BPTF: variants seen among roughly 807,000 people sequenced by gnomAD.
The protein encoded by BPTF is nucleosome-remodeling factor subunit BPTF.
Under a neutral mutation model 292.5 loss-of-function variants are expected in BPTF, and 18 were observed. The observed-to-expected ratio is 0.06, with a 90% CI of 0.04 to 0.09. BPTF has a LOEUF of 0.09. BPTF is among the 10% of genes least tolerant of loss of function. BPTF has a pLI of 1.00. For synonymous variants in BPTF, 1,225 were observed against 1,251.9 expected, an observed-to-expected ratio of 0.98 and a Z score of 0.45; for missense variants, 2,726 against 3,498.7, an observed-to-expected ratio of 0.78 and a Z score of 5.57.
chr17:67,969,452 CAAAAAAAAAAAAA>C (rs11360473), intron 26 of BPTF, among the ~76,000 whole-genome samples: 1 of 47,984 alleles, frequency 2.1e-5, no homozygotes, highest in South Asian at 8.0e-4. Context: ...ACTCTGTCTC[CAAAAAAAAAAAAA>C]AAAAAAAAAA....
At chr17:67,910,780 A>G in intron 10 of BPTF, 97 bp from the exon 11 acceptor site, 6 of 906,358 alleles carry the variant, frequency 6.6e-6, no homozygotes, top group Non-Finnish European at 8.7e-6. Flanking sequence ...AGCCTGGGCA[A>G]CAGAGTGAGA....
rs564287865 is a variant in BPTF at position 67,880,959 on chromosome 17, A to G, written c.1864+5939A>G. Among the ~76,000 whole-genome samples the G allele has an allele frequency of 9.7e-3, 315 of 32,560 alleles. 3 individuals carry two copies. Among genetic ancestry groups the G allele is most frequent in the Middle Eastern group, 0.023 (1 of 44 alleles). 21.4% of individuals were successfully genotyped at this position (32,560 alleles called of 152,430 possible). Reference sequence around the variant, plus strand: ...GGGTGTATGTATATTATATATATATACACACACACACACACACACACGTAT... The same window carrying G: ...GGGTGTATGTATATTATATATATATGCACACACACACACACACACACGTAT... On this transcript the variant is annotated intron_variant, in intron 4 of 27. Coordinates refer to ENST00000306378, the MANE Select transcript of BPTF (RefSeq NM_182641.4).
In BPTF at chr17:67,886,469, C is replaced by T. The variant is rs1023402699; in HGVS notation, c.1865-5375C>T. Among the ~76,000 whole-genome samples the T allele has an allele frequency of 4.7e-5, 7 of 148,396 alleles. No homozygotes were observed. The South Asian group carries it at 1.5e-3, about 32-fold the overall frequency. On this transcript the variant is annotated intron_variant, in intron 4 of 27. Coordinates refer to ENST00000306378, the MANE Select transcript of BPTF (RefSeq NM_182641.4). ...TGGTGGGGGGTGGAATTTAGATGTT[C>T]TTTTCCTTTATTTTTCATTTTTTTT... is the stretch of plus-strand genomic sequence containing the variant.
chr17:67,846,705 G>GGTTT (rs1460453567), intron 1 of BPTF, among the ~76,000 whole-genome samples: 4 of 151,996 alleles, frequency 2.6e-5, no homozygotes, highest in Admixed American at 2.0e-4. Flanking sequence ...GACTTGTGTG[G>GGTTT]GTTTGTTTGT....
At chr17:67,975,510 T>G (rs2069302705) in intron 26 of BPTF, 1 of 326,688 alleles carries the variant, frequency 3.1e-6, no homozygotes, top group African/African-American at 2.1e-5. Flanking sequence ...ACCATTTGAA[T>G]GAAGAACGGT....
At chr17:67,847,910 C>T (rs947534495) in intron 1 of BPTF, among the ~76,000 whole-genome samples, 4 of 152,160 alleles carry the variant, frequency 2.6e-5, no homozygotes, top group Non-Finnish European at 4.4e-5. Flanking sequence ...CAATGCATCA[C>T]AGGTTATTTC....
At chr17:67,953,468 G>A (rs1390937149) in intron 23 of BPTF, among the ~76,000 whole-genome samples, 1 of 148,394 alleles carries the variant, frequency 6.7e-6, no homozygotes, top group Non-Finnish European at 1.5e-5. Flanking sequence ...ATGTTGGCCA[G>A]CCTGATTTCA....
intron 4 of BPTF, among the ~76,000 whole-genome samples, chr17:67,887,295 T>C (rs1405135168): frequency 6.6e-6 from 1 of 152,216 alleles, no homozygotes; most frequent in Non-Finnish European, 1.5e-5. Flanking sequence ...TAATGAGTTT[T>C]GTTATTTTTC....
Position 67,825,931 on chromosome 17 carries a change from G to A in BPTF, c.207G>A (p.Gly69=). Residue 69 remains glycine, a synonymous_variant, in exon 1 of 28, where the codon GGG becomes GGA. Transcript: ENST00000306378. ...APKTRLSSPR[G]GSSSRRKPPP... is the part of the protein sequence containing the mutation. Reference sequence around the variant, plus strand: ...AGACGCGGCTGAGCTCGCCCAGGGGGGGCAGCAGTAGCCGGAGGAAGCCGC... The same window carrying A: ...AGACGCGGCTGAGCTCGCCCAGGGGAGGCAGCAGTAGCCGGAGGAAGCCGC... 1 of 1,015,696 alleles carries A rather than the reference G, an allele frequency of 9.8e-7. No individual in the cohort carries two copies. Among genetic ancestry groups the A allele is most frequent in the Non-Finnish European group, 1.2e-6 (1 of 851,586 alleles). The allele number at this position is 1,015,696 out of a possible 1,614,324, so 62.9% of individuals were successfully genotyped here.
intron 4 of BPTF, among the ~76,000 whole-genome samples, chr17:67,885,915 C>A (rs1018774566): frequency 5.9e-5 from 9 of 151,826 alleles, no homozygotes; most frequent in Non-Finnish European, 8.8e-5. Flanking sequence ...CCTCACCCCC[C>A]CAAAAAAAGT....
At chr17:67,886,071 A>T (rs752959594) in intron 4 of BPTF, 26 of 1,281,932 alleles carry the variant, frequency 2.0e-5, no homozygotes, top group Non-Finnish European at 2.6e-5. Context: ...CTTTTCTGAC[A>T]ATTCGTCATT....
chr17:67,967,159 A>G (rs2068206247), intron 26 of BPTF, among the ~76,000 whole-genome samples: 1 of 150,766 alleles, frequency 6.6e-6, no homozygotes, highest in African/African-American at 2.4e-5. Context: ...TCTTTTTTTA[A>G]TGAGACGATG....
intron 26 of BPTF, among the ~76,000 whole-genome samples, chr17:67,973,754 A>G (rs193233491): frequency 1.3e-5 from 2 of 151,938 alleles, no homozygotes; most frequent in Non-Finnish European, 2.9e-5. Context: ...TGATACGCCC[A>G]CCTCGGCCTC....
chr17:67,893,856 AT>A, intron 6 of BPTF, 131 bp downstream of exon 6: 1 of 1,122,106 alleles, frequency 8.9e-7, no homozygotes, highest in Non-Finnish European at 1.3e-6. Flanking sequence ...CAGACAGGAC[AT>A]TAGAGGCATG....
chr17:67,902,492 T>A (rs2061912747), intron 7 of BPTF, among the ~76,000 whole-genome samples: 1 of 152,138 alleles, frequency 6.6e-6, no homozygotes, highest in Admixed American at 6.6e-5. Context: ...GGCAGAGGGA[T>A]GGAATTTGAG....
At chr17:67,964,961 T>C (rs1292402192) in intron 25 of BPTF, 1 of 110,972 alleles carries the variant, frequency 9.0e-6, no homozygotes, top group African/African-American at 3.6e-5. Flanking sequence ...ATGGCGCCAC[T>C]GCACTCCAAC....
Position 67,843,688 on chromosome 17 carries a change from A to G in BPTF, c.614-10252A>G, listed in dbSNP as rs549457604. Among the ~76,000 whole-genome samples, 21 of 146,214 alleles carry G rather than the reference A, an allele frequency of 1.4e-4. 1 individual carries two copies. The South Asian group carries it at 3.8e-3, about 27-fold the overall frequency. On this transcript the variant is annotated intron_variant, in intron 1 of 27. Coordinates refer to ENST00000306378, the MANE Select transcript of BPTF (RefSeq NM_182641.4). ...AGCACCTTTACTATAGAGCAGTTCTATCACCTTTGGGTGTGAGGGTGGTCT... is the reference window on the plus strand; with the variant it reads ...AGCACCTTTACTATAGAGCAGTTCTGTCACCTTTGGGTGTGAGGGTGGTCT...
chr17:67,839,755 G>A (rs529476262), intron 1 of BPTF, among the ~76,000 whole-genome samples: 9 of 152,186 alleles, frequency 5.9e-5, no homozygotes, highest in African/African-American at 1.7e-4. Flanking sequence ...TGTCCTAAAC[G>A]TTTCCATAAT....
chr17:67,875,104 AAT>A, intron 4 of BPTF, 84 bp downstream of exon 4: 1 of 1,176,696 alleles, frequency 8.5e-7, no homozygotes, highest in East Asian at 2.5e-5. Context: ...ATGAAAGTGA[AAT>A]ATTGCAAGCA....
Sources: gnomAD v4.1 joint callset for allele counts (sites outside exome capture counted in the v4.1 genomes callset) on GRCh38, gnomAD v4.1.1 for gene constraint, MANE v1.5 for transcripts, NCBI Gene and HGNC (gene_info 2026-07-23, HGNC 2026-07-21) for gene names.